Variants in FGFR2 observed in about 807,000 individuals in gnomAD.
FGFR2 encodes the protein fibroblast growth factor receptor 2.
In FGFR2, 19 loss-of-function variants were observed where a neutral mutation model predicts 95.9. The ratio of observed to expected loss-of-function variants is 0.20; its 90% CI spans 0.14 to 0.29. FGFR2 has a LOEUF of 0.29. Ranked by LOEUF, FGFR2 falls within the 10% of genes least tolerant of loss-of-function variation. FGFR2 has a pLI of 1.00. For synonymous variants in FGFR2, 392 were observed against 393.3 expected (o/e 1.00, Z 0.04); for missense variants, 707 against 1,056.9 (o/e 0.67, Z 4.59).
chr10:121,542,871 T>C (rs1190296944), intron 5 of FGFR2, among the ~76,000 whole-genome samples: 2 of 152,138 alleles, frequency 1.3e-5, no homozygotes, highest in Non-Finnish European at 2.9e-5. Flanking sequence ...TTTAGTTTGT[T>C]GACACCAAAA....
At chr10:121,554,051 C>T (rs1457988722) in intron 4 of FGFR2, among the ~76,000 whole-genome samples, 2 of 152,198 alleles carry the variant, frequency 1.3e-5, no homozygotes, top group Admixed American at 6.5e-5. Context: ...CCACTTCCCT[C>T]GGGTGATATT....
Position 121,517,526 on chromosome 10 carries a change from G to T in FGFR2, c.940-63C>A. 6.2e-7 allele frequency: 1 copy of T among 1,605,952 alleles called. No individual in the cohort carries two copies. Among genetic ancestry groups the T allele is most frequent in the Non-Finnish European group, 8.5e-7 (1 of 1,173,558 alleles). ...CACAGGAATGATTGTGGAGGGGGCT[G>T]TGGAACCACAAGGCGTCGCACCGGG... On this transcript the variant is annotated intron_variant, in intron 7 of 17. Transcript: ENST00000358487. The surrounding 1 kb of genome is among the most constrained non-coding windows in gnomAD (Gnocchi z 4.7).
chr10:121,546,123 T>C (rs1358309887), intron 5 of FGFR2, among the ~76,000 whole-genome samples: 1 of 149,832 alleles, frequency 6.7e-6, no homozygotes, highest in Non-Finnish European at 1.5e-5. Flanking sequence ...CTTTTCTGCA[T>C]TAAATTGCAA....
At chr10:121,534,452 A>T (rs139673515) in intron 6 of FGFR2, among the ~76,000 whole-genome samples, 42 of 151,398 alleles carry the variant, frequency 2.8e-4, no homozygotes, top group East Asian at 1.8e-3. Flanking sequence ...CTGGAGTGCA[A>T]TGGCATGATC....
At chr10:121,516,640 A>C (rs1479851608) in intron 8 of FGFR2, among the ~76,000 whole-genome samples, 9 of 152,212 alleles carry the variant, frequency 5.9e-5, no homozygotes, top group Admixed American at 5.9e-4. Context: ...GTTTCACTAG[A>C]ATAGAGATGT....
At chr10:121,515,381 T>A (rs1849578925) in intron 8 of FGFR2, 62 bp from the exon 9 acceptor site, 2 of 1,505,698 alleles carry the variant, frequency 1.3e-6, no homozygotes, top group African/African-American at 2.8e-5. Context: ...CACACCAGAC[T>A]GACGCATCAT....
chr10:121,577,561 G>A (rs991103644), intron 2 of FGFR2, among the ~76,000 whole-genome samples: 12 of 152,204 alleles, frequency 7.9e-5, no homozygotes, highest in East Asian at 3.9e-4. Flanking sequence ...GTACATGTGC[G>A]TATGTGTTCT....
intron 2 of FGFR2, among the ~76,000 whole-genome samples, chr10:121,577,531 A>G (rs1355108213): frequency 6.6e-6 from 1 of 152,110 alleles, no homozygotes; most frequent in African/African-American, 2.4e-5. Flanking sequence ...TTCGGTTAGC[A>G]TTCTGCTTCC....
At chr10:121,521,192 T>A (rs1850493352) in intron 6 of FGFR2, among the ~76,000 whole-genome samples, 1 of 152,216 alleles carries the variant, frequency 6.6e-6, no homozygotes, top group South Asian at 2.1e-4. Flanking sequence ...TGGCACTGAA[T>A]GAAACATAAG....
At position 121,503,616 on chromosome 10, in the gene FGFR2, A is replaced by T. The variant is rs41295593; in HGVS notation, c.1439+174T>A. Among the ~76,000 whole-genome samples, 2,237 of 151,768 alleles carry T rather than the reference A, an allele frequency of 0.015. 48 individuals carry two copies. The highest frequency in any genetic ancestry group is 0.051 in the African/African-American group (2,099 of 41,324). On this transcript the variant is annotated intron_variant, in intron 10 of 17. Transcript: ENST00000358487. ...CTTTCAAGGAGTTATTTTTTTTTTTAAATCCATTTTTTTCTTTTCCAGGAG... is the reference window on the plus strand; with the variant it reads ...CTTTCAAGGAGTTATTTTTTTTTTTTAATCCATTTTTTTCTTTTCCAGGAG...
intron 11 of FGFR2, among the ~76,000 whole-genome samples, chr10:121,500,407 G>A (rs41295631): frequency 3.9e-5 from 6 of 152,066 alleles, no homozygotes; most frequent in Admixed American, 1.3e-4. Flanking sequence ...GCTCCCTTAC[G>A]TCTCTTCGTT....
chr10:121,497,090 C>G (rs1055993203), intron 12 of FGFR2, among the ~76,000 whole-genome samples: 4 of 146,318 alleles, frequency 2.7e-5, no homozygotes, highest in African/African-American at 1.0e-4. Flanking sequence ...GAGATCACAC[C>G]ACTGCACTGC....
chr10:121,565,176 CAA>C (rs71865754), intron 3 of FGFR2, among the ~76,000 whole-genome samples: 17 of 97,952 alleles, frequency 1.7e-4, no homozygotes, highest in Admixed American at 2.3e-4. Flanking sequence ...GTCAGTGGTA[CAA>C]AAAAAAAAAA....
rs1468561475 is a variant in FGFR2, at chr10:121,551,293, G to C, written c.621C>G (p.Tyr207Ter). The change falls in exon 5 of 18, where the codon TAC becomes TAG. Residue 207 changes from tyrosine to a stop codon, truncating the protein, a stop_gained. Coordinates refer to ENST00000358487, the MANE Select transcript of FGFR2 (RefSeq NM_000141.5). LOFTEE classifies it high-confidence loss of function. ...EFKQEHRIGGYKVRNQHWSLI... is the reference protein window; with the variant it reads ...EFKQEHRIGG Reference sequence around the variant, plus strand: ...TGTTCTGAAAGCTTAATTCTACCTTGTAGCCTCCAATGCGATGCTCCTGCT... The same window carrying C: ...TGTTCTGAAAGCTTAATTCTACCTTCTAGCCTCCAATGCGATGCTCCTGCT... The C allele has an allele frequency of 6.2e-7, 1 of 1,614,048 alleles. No individual in the cohort carries two copies. The highest frequency in any genetic ancestry group is 8.5e-7 in the Non-Finnish European group (1 of 1,179,936).
chr10:121,509,231 C>T (rs1848700113), intron 9 of FGFR2, among the ~76,000 whole-genome samples: 1 of 152,206 alleles, frequency 6.6e-6, no homozygotes, highest in East Asian at 1.9e-4. Context: ...TCAACACGAA[C>T]ACTCTAGTAA....
chr10:121,564,890 T>C (rs1335146622), intron 3 of FGFR2, among the ~76,000 whole-genome samples: 4 of 152,202 alleles, frequency 2.6e-5, no homozygotes, highest in Non-Finnish European at 5.9e-5. Context: ...ACCAATTGTG[T>C]AGCACCCAAA....
At chr10:121,573,626 GAAGAGGAAGGC>G (rs1459238514) in intron 2 of FGFR2, among the ~76,000 whole-genome samples, 2 of 151,804 alleles carry the variant, frequency 1.3e-5, no homozygotes, top group Non-Finnish European at 2.9e-5. Context: ...GGAGAGGAAA[GAAGAGGAAGGC>G]AAGAGGAAGA....
At chr10:121,493,224 C>T (rs947426409) in intron 13 of FGFR2, among the ~76,000 whole-genome samples, 28 of 152,304 alleles carry the variant, frequency 1.8e-4, no homozygotes, top group African/African-American at 6.0e-4. Flanking sequence ...TAGCTTCTCC[C>T]GGAGGGGTCA....
chr10:121,521,502 A>T (rs1850532827), intron 6 of FGFR2, among the ~76,000 whole-genome samples: 1 of 152,188 alleles, frequency 6.6e-6, no homozygotes, highest in Non-Finnish European at 1.5e-5. Context: ...TTAACTATGC[A>T]TTTCTCCAAG....
Sources: allele counts gnomAD v4.1 joint callset (sites outside exome capture counted in the v4.1 genomes callset), GRCh38; gene constraint gnomAD v4.1.1; non-coding constraint Gnocchi (gnomAD v3.1); transcripts MANE v1.5; gene names NCBI Gene and HGNC (gene_info 2026-07-23, HGNC 2026-07-21).